SCN2A: variants seen among roughly 807,000 people sequenced by gnomAD.
SCN2A encodes the protein sodium channel protein type 2 subunit alpha.
Under a neutral mutation model 188.7 loss-of-function variants are expected in SCN2A, and 20 were observed. The ratio of observed to expected loss-of-function variants is 0.11; its 90% CI spans 0.07 to 0.15. SCN2A has a LOEUF of 0.15. Among genes scored for constraint, SCN2A ranks in the 10% least tolerant of loss-of-function variants. The pLI is 1.00. For missense variants in SCN2A, 1,278 were observed against 2,445.0 expected, an observed-to-expected ratio of 0.52 and a Z score of 10.07; for synonymous variants, 804 against 833.1, an observed-to-expected ratio of 0.97 and a Z score of 0.60.
intron 14 of SCN2A, among the ~76,000 whole-genome samples, chr2:165,334,562 A>G (rs1273612328): frequency 1.3e-5 from 2 of 152,014 alleles, no homozygotes; most frequent in Middle Eastern, 3.4e-3. Flanking sequence ...TCACATGGAA[A>G]AAGCCAAAGT....
intron 16 of SCN2A, among the ~76,000 whole-genome samples, chr2:165,347,381 GA>G (rs1699653720): frequency 1.3e-5 from 2 of 151,862 alleles, no homozygotes; most frequent in Non-Finnish European, 2.9e-5. Flanking sequence ...TCATAAGTGG[GA>G]GTTGAACAAT....
At chr2:165,370,514 T>C in intron 20 of SCN2A, 2 of 441,274 alleles carry the variant, frequency 4.5e-6, no homozygotes, top group Middle Eastern at 6.0e-4. Context: ...CATACTATAC[T>C]TATTCACTTA....
intron 3 of SCN2A, among the ~76,000 whole-genome samples, chr2:165,302,432 A>G (rs1473463503): frequency 1.3e-5 from 2 of 152,202 alleles, no homozygotes; most frequent in Non-Finnish European, 2.9e-5. Flanking sequence ...CTTCTAGTTT[A>G]TATATAGGTT....
At chr2:165,270,812 C>A (rs1695071171) in intron 1 of SCN2A, 1 of 152,192 alleles carries the variant, frequency 6.6e-6, no homozygotes, top group Non-Finnish European at 1.5e-5. Context: ...TGCACATCAA[C>A]TTCAGATCTC....
At chr2:165,333,918 T>C (rs1374934041) in intron 14 of SCN2A, among the ~76,000 whole-genome samples, 3 of 149,844 alleles carry the variant, frequency 2.0e-5, no homozygotes, top group African/African-American at 7.4e-5. Context: ...TTATTAGAAG[T>C]AGGAATGAAG....
At chr2:165,367,188 TG>T in intron 18 of SCN2A, 28 bp from the exon 19 acceptor site, 1 of 1,612,722 alleles carries the variant, frequency 6.2e-7, no homozygotes, top group South Asian at 1.1e-5. Context: ...AGTAATTTTT[TG>T]TCTTCATTTT....
intron 1 of SCN2A, among the ~76,000 whole-genome samples, chr2:165,265,498 TA>T (rs1694813020): frequency 7.9e-6 from 1 of 126,396 alleles, no homozygotes; most frequent in East Asian, 2.3e-4. Context: ...TATATATATA[TA>T]TATATATATA....
At chr2:165,261,877 A>AAT (rs1340439510) in intron 1 of SCN2A, among the ~76,000 whole-genome samples, 1 of 152,240 alleles carries the variant, frequency 6.6e-6, no homozygotes, top group African/African-American at 2.4e-5. Context: ...ATTAATCTAT[A>AAT]CAATGAAAAT....
Position 165,386,895 on chromosome 2 carries a change from T to C in SCN2A, c.4701T>C (p.Asn1567=). 1 of 1,613,994 alleles carries C rather than the reference T, an allele frequency of 6.2e-7. No homozygotes were observed. The highest frequency in any genetic ancestry group is 8.5e-7 in the Non-Finnish European group (1 of 1,179,944). The part of the protein sequence containing the change: ...QEMTNILYWI[N]LVFIVLFTGE... ...TGACAAACATTCTGTACTGGATTAA[T>C]CTGGTGTTTATTGTTCTGTTCACTG... is the stretch of plus-strand genomic sequence containing the variant. The change falls in exon 26 of 27, where the codon AAT becomes AAC. Residue 1567 remains asparagine (N), a synonymous_variant. Transcript: ENST00000375437.
intron 1 of SCN2A, among the ~76,000 whole-genome samples, chr2:165,263,075 C>CT (rs35013041): frequency 0.38 from 57,278 of 151,846 alleles, 11,203 homozygotes; most frequent in African/African-American, 0.48. Context: ...CCTTAGCCCA[C>CT]TTTTGATGAG....
intron 2 of SCN2A, 173 bp downstream of exon 2, chr2:165,296,263 A>C (rs1196084282): frequency 1.5e-6 from 1 of 654,228 alleles, no homozygotes; most frequent in Admixed American, 2.6e-5. Flanking sequence ...TTTTGGAAGC[A>C]CTCATTTGAA....
chr2:165,389,535 T>C lies in SCN2A; in HGVS notation c.5729T>C (p.Ile1910Thr), dbSNP rs1702042924. ...CGCAAACAAGAGGAGGTGTCTGCTA[T>C]TATTATCCAGAGGGCTTACAGACGC... is the stretch of plus-strand genomic sequence containing the variant. ...LKRKQEEVSAIIIQRAYRRYL... is the reference protein window; with the variant it reads ...LKRKQEEVSATIIQRAYRRYL... Residue 1910 changes from isoleucine to threonine, a missense_variant, in exon 27 of 27, where the codon ATT (isoleucine) becomes ACT (threonine). By Grantham distance (89) the Ile-to-Thr change is moderately conservative. Transcript: ENST00000375437. The surrounding 1 kb of genome is among the most constrained non-coding windows in gnomAD (Gnocchi z 4.2). The C allele has an allele frequency of 6.2e-7, 1 of 1,613,900 alleles. No individual in the cohort carries two copies. The highest frequency in any genetic ancestry group is 8.5e-7 in the Non-Finnish European group (1 of 1,179,956).
chr2:165,333,280 G>C (rs540773309), intron 14 of SCN2A, among the ~76,000 whole-genome samples: 1 of 151,904 alleles, frequency 6.6e-6, no homozygotes, highest in Admixed American at 6.6e-5. Context: ...CTGGTCTTAC[G>C]TGTTAAGGAA....
intron 14 of SCN2A, among the ~76,000 whole-genome samples, chr2:165,337,398 A>G (rs1262900401): frequency 1.3e-5 from 2 of 152,132 alleles, no homozygotes; most frequent in African/African-American, 4.8e-5. Flanking sequence ...AACAGAGCAA[A>G]TATTTGAAGA....
intron 1 of SCN2A, among the ~76,000 whole-genome samples, chr2:165,258,136 AT>A (rs1346852743): frequency 2.0e-5 from 3 of 152,024 alleles, no homozygotes; most frequent in Non-Finnish European, 2.9e-5. Context: ...ACTCTGTTGA[AT>A]TTCTTTTGCT....
chr2:165,239,629 T>C lies in SCN2A; in HGVS notation c.-63T>C. The C allele has an allele frequency of 1.0e-6, 1 of 983,576 alleles. No individual in the cohort carries two copies. The highest frequency in any genetic ancestry group is 4.7e-5 in the South Asian group (1 of 21,260). The allele number at this position is 983,576 out of a possible 1,614,324, so 60.9% of individuals were successfully genotyped here. On this transcript the variant is annotated 5_prime_UTR_variant, in exon 1 of 27. Coordinates refer to ENST00000375437, the MANE Select transcript of SCN2A (RefSeq NM_001040142.2). ...GATTCTGTGTTATGATTTACATTTT[T>C]CTTTATTTCAGGTAAGCCAGCATGA...
At chr2:165,285,280 G>A (rs1574499742) in intron 1 of SCN2A, 1 of 154,522 alleles carries the variant, frequency 6.5e-6, no homozygotes, top group Admixed American at 6.5e-5. Flanking sequence ...CTTGACATCA[G>A]TCACCAATGA....
chr2:165,255,893 C>G lies in SCN2A; in HGVS notation c.-52+16253C>G, dbSNP rs183177016. ...CCAGATTTTTCTTCCCCGCCCACCCCCCTTGGAAACAAACCATTTTCCCCT... is the reference window on the plus strand; with the variant it reads ...CCAGATTTTTCTTCCCCGCCCACCCGCCTTGGAAACAAACCATTTTCCCCT... On this transcript the variant is annotated intron_variant, in intron 1 of 26. Coordinates refer to ENST00000375437, the MANE Select transcript of SCN2A (RefSeq NM_001040142.2). Among the ~76,000 whole-genome samples, 5 of 151,736 alleles carry G rather than the reference C, an allele frequency of 3.3e-5. No homozygotes were observed. The South Asian group carries it at 6.2e-4, about 19-fold the overall frequency.
chr2:165,383,577 C>G (rs762393203), intron 25 of SCN2A, among the ~76,000 whole-genome samples: 2 of 152,120 alleles, frequency 1.3e-5, no homozygotes, highest in African/African-American at 4.8e-5. Context: ...GTGGTGATCA[C>G]TCAATCAGTT....
Sources: gnomAD v4.1 joint callset for allele counts (sites outside exome capture counted in the v4.1 genomes callset) on GRCh38, gnomAD v4.1.1 for gene constraint, Gnocchi (gnomAD v3.1) non-coding constraint, MANE v1.5 for transcripts, NCBI Gene and HGNC (gene_info 2026-07-23, HGNC 2026-07-21) for gene names.